Variants in NRXN1 observed in about 807,000 individuals in gnomAD.
NRXN1 encodes the protein neurexin-1.
In NRXN1, 39 loss-of-function variants were observed where a neutral mutation model predicts 150.9. The observed-to-expected ratio is 0.26, with a 90% CI of 0.20 to 0.34. The LOEUF (loss-of-function observed/expected upper bound fraction) is 0.34. Ranked by LOEUF, NRXN1 falls within the 10% of genes least tolerant of loss-of-function variation. The pLI is 1.00. For synonymous variants in NRXN1, 924 were observed against 757.0 expected, an observed-to-expected ratio of 1.22 and a Z score of -3.62; for missense variants, 1,815 against 1,949.9, an observed-to-expected ratio of 0.93 and a Z score of 1.30.
intron 5 of NRXN1, among the ~76,000 whole-genome samples, chr2:50,865,869 A>G (rs991924932): frequency 1.3e-5 from 2 of 151,112 alleles, no homozygotes; most frequent in Non-Finnish European, 3.0e-5. Context: ...CAATCTGAGA[A>G]GGGGATCTTA....
intron 5 of NRXN1, among the ~76,000 whole-genome samples, chr2:50,830,209 G>GA (rs1328904504): frequency 6.6e-6 from 1 of 151,924 alleles, no homozygotes; most frequent in Non-Finnish European, 1.5e-5. Context: ...TTTGGATTAT[G>GA]AAAAATTATC....
intron 17 of NRXN1, among the ~76,000 whole-genome samples, chr2:50,239,114 AG>A (rs928831189): frequency 1.3e-5 from 2 of 151,884 alleles, no homozygotes; most frequent in Non-Finnish European, 2.9e-5. Flanking sequence ...TAATCTTTAT[AG>A]GCAAACACTA....
intron 18 of NRXN1, among the ~76,000 whole-genome samples, chr2:50,234,590 A>G (rs575364430): frequency 1.3e-5 from 2 of 152,202 alleles, no homozygotes; most frequent in East Asian, 3.9e-4. Flanking sequence ...TCTTCTAGGC[A>G]ATGGGAGAAA....
At chr2:50,754,404 C>T (rs1182841768) in intron 5 of NRXN1, among the ~76,000 whole-genome samples, 1 of 151,760 alleles carries the variant, frequency 6.6e-6, no homozygotes, top group African/African-American at 2.4e-5. Flanking sequence ...AGAATCAACT[C>T]CATTTTTTCC....
In NRXN1 at chr2:50,714,402, C is replaced by A. The variant is rs752774406; in HGVS notation, c.833-90787G>T. ...GCCTTGGAAGGTAACCCCTTCTTGA[C>A]CCTAGCATTTAAAAGCTAGGTTGGT... On this transcript the variant is annotated intron_variant, in intron 5 of 22. Coordinates refer to ENST00000401669, the MANE Select transcript of NRXN1 (RefSeq NM_001330078.2). Among the ~76,000 whole-genome samples, 112 of 152,080 alleles carry A rather than the reference C, an allele frequency of 7.4e-4. 1 individual carries two copies. The highest frequency in any genetic ancestry group is 9.9e-4 in the Non-Finnish European group (67 of 67,978).
chr2:50,386,155 A>G (rs2081312591), intron 17 of NRXN1, among the ~76,000 whole-genome samples: 8 of 152,050 alleles, frequency 5.3e-5, no homozygotes, highest in Admixed American at 5.2e-4. Flanking sequence ...CAAGTCATTC[A>G]TTATTGAAAT....
intron 21 of NRXN1, among the ~76,000 whole-genome samples, chr2:50,018,463 G>A (rs1454304135): frequency 1.3e-5 from 2 of 152,080 alleles, no homozygotes; most frequent in South Asian, 2.1e-4. Flanking sequence ...AGGCAGTAAT[G>A]GATCCATTCC....
At chr2:50,966,304 T>C (rs1694060731) in intron 2 of NRXN1, among the ~76,000 whole-genome samples, 1 of 150,758 alleles carries the variant, frequency 6.6e-6, no homozygotes, top group Non-Finnish European at 1.5e-5. Context: ...AATTAAATCA[T>C]GGCGCCACAT....
chr2:50,676,326 C>T (rs915389196), intron 5 of NRXN1, among the ~76,000 whole-genome samples: 2 of 152,082 alleles, frequency 1.3e-5, no homozygotes, highest in African/African-American at 4.8e-5. Flanking sequence ...TTATAAATAA[C>T]CCACCCTTAG....
intron 2 of NRXN1, among the ~76,000 whole-genome samples, chr2:50,982,493 A>G (rs938254810): frequency 1.3e-5 from 2 of 152,146 alleles, no homozygotes; most frequent in African/African-American, 2.4e-5. Flanking sequence ...AGGCCTGTTC[A>G]TATTACTAAC....
At chr2:50,955,483 A>C (rs1692134989) in intron 2 of NRXN1, among the ~76,000 whole-genome samples, 1 of 152,232 alleles carries the variant, frequency 6.6e-6, no homozygotes, top group Non-Finnish European at 1.5e-5. Context: ...TGACATTGAA[A>C]ATATGGCAGC....
At chr2:50,447,737 T>TTTTTTATATATATATATATATATATA (rs1208594855) in intron 17 of NRXN1, among the ~76,000 whole-genome samples, 1 of 37,934 alleles carries the variant, frequency 2.6e-5, no homozygotes, top group Non-Finnish European at 4.3e-5. Flanking sequence ...CAGGGGAACG[T>TTTTTTATATATATATATATATATATA]TATATATATA....
chr2:50,859,719 C>G (rs1021739952), intron 5 of NRXN1, among the ~76,000 whole-genome samples: 1 of 151,640 alleles, frequency 6.6e-6, no homozygotes. Flanking sequence ...CCACAGTTCT[C>G]CATCTCAAGT....
intron 5 of NRXN1, among the ~76,000 whole-genome samples, chr2:50,807,248 T>C (rs1667624861): frequency 6.6e-6 from 1 of 152,118 alleles, no homozygotes; most frequent in African/African-American, 2.4e-5. Context: ...AAAGTTTAAC[T>C]ATAACCTTCA....
At chr2:50,555,763 T>A (rs1668141246) in intron 8 of NRXN1, among the ~76,000 whole-genome samples, 1 of 152,200 alleles carries the variant, frequency 6.6e-6, no homozygotes, top group Admixed American at 6.5e-5. Context: ...ACCAATCTCA[T>A]AAACTAATTA....
intron 2 of NRXN1, among the ~76,000 whole-genome samples, chr2:50,989,834 T>C (rs1436839870): frequency 6.6e-6 from 1 of 152,044 alleles, no homozygotes; most frequent in Non-Finnish European, 1.5e-5. Context: ...TGCTAATATG[T>C]AGGAGTAGCA....
intron 17 of NRXN1, among the ~76,000 whole-genome samples, chr2:50,382,652 T>C (rs1040615293): frequency 1.3e-5 from 2 of 152,144 alleles, no homozygotes; most frequent in Non-Finnish European, 2.9e-5. Flanking sequence ...TCTCCCTAGA[T>C]AGAGAGTTAT....
intron 5 of NRXN1, among the ~76,000 whole-genome samples, chr2:50,644,836 G>GATATTT (rs1478470673): frequency 1.4e-5 from 2 of 142,874 alleles, no homozygotes; most frequent in Non-Finnish European, 3.0e-5. Context: ...ATTCAGGTAG[G>GATATTT]ATATTTATAT....
At chr2:50,011,013 C>A (rs1685572065) in intron 21 of NRXN1, among the ~76,000 whole-genome samples, 1 of 152,090 alleles carries the variant, frequency 6.6e-6, no homozygotes, top group African/African-American at 2.4e-5. Flanking sequence ...TTTGTTTTTC[C>A]AAAATTATTA....
Sources: gnomAD v4.1 joint callset for allele counts (sites outside exome capture counted in the v4.1 genomes callset) on GRCh38, gnomAD v4.1.1 for gene constraint, MANE v1.5 for transcripts, NCBI Gene and HGNC (gene_info 2026-07-23, HGNC 2026-07-21) for gene names.